The following RPS6KC1 variants were observed in gnomAD, a reference collection of about 807,000 sequenced individuals.
RPS6KC1 encodes ribosomal protein S6 kinase C1, also known as inactive ribosomal protein S6 kinase delta-1.
In RPS6KC1, 54 loss-of-function variants were observed where a neutral mutation model predicts 103.8. The ratio of observed to expected loss-of-function variants is 0.52; its 90% confidence interval spans 0.42 to 0.65. The LOEUF (loss-of-function observed/expected upper bound fraction) is 0.65. Ranked by LOEUF, RPS6KC1 falls within the 30% of genes least tolerant of loss-of-function variation. The pLI, the probability that RPS6KC1 is intolerant of heterozygous loss-of-function variation, is 0.00. For synonymous variants in RPS6KC1, 439 were observed against 438.7 expected, an observed-to-expected ratio of 1.00 and a Z score of -0.01; for missense variants, 1,151 against 1,253.8, an observed-to-expected ratio of 0.92 and a Z score of 1.24.
chr1:213,278,758 G>C (rs1351111326), downstream of RPS6KC1, among the ~76,000 whole-genome samples: 1 of 152,190 alleles, frequency 6.6e-6, no homozygotes, highest in South Asian at 2.1e-4. Flanking sequence ...GCAGAATGTG[G>C]CAAGTGTTAT....
At chr1:213,514,452 T>A in the RPS6KC1 span, among the ~76,000 whole-genome samples, 11 of 146,094 alleles carry the variant, frequency 7.5e-5, no homozygotes, top group African/African-American at 2.8e-4. Flanking sequence ...CATTGTTGAA[T>A]TCCCACCTAT....
the RPS6KC1 span, among the ~76,000 whole-genome samples, chr1:213,448,225 C>CAA: frequency 3.3e-4 from 25 of 75,808 alleles, no homozygotes; most frequent in Non-Finnish European, 4.2e-4. Context: ...GTGAGACTGT[C>CAA]AAAAAAAAAA....
chr1:213,739,389 G>A, the RPS6KC1 span, among the ~76,000 whole-genome samples: 4 of 152,092 alleles, frequency 2.6e-5, no homozygotes, highest in Non-Finnish European at 5.9e-5. Flanking sequence ...TTAAGTTTTG[G>A]GAGAGTCAAA....
At chr1:213,802,703 T>A in the RPS6KC1 span, among the ~76,000 whole-genome samples, 1 of 152,246 alleles carries the variant, frequency 6.6e-6, no homozygotes, top group Admixed American at 6.5e-5. Flanking sequence ...CTAAGGACAT[T>A]TCTTTATTAT....
chr1:213,250,203 G>A (rs181742247), intron 12 of RPS6KC1, among the ~76,000 whole-genome samples: 1 of 152,206 alleles, frequency 6.6e-6, no homozygotes, highest in Admixed American at 6.5e-5. Flanking sequence ...TTAGGGTGGA[G>A]CAGCACCACA....
intron 8 of RPS6KC1, among the ~76,000 whole-genome samples, chr1:213,210,099 A>G (rs2093463589): frequency 6.6e-6 from 1 of 152,064 alleles, no homozygotes; most frequent in Non-Finnish European, 1.5e-5. Context: ...TGTGACCTGT[A>G]TGTTGTACCA....
chr1:213,566,805 T>A, the RPS6KC1 span, among the ~76,000 whole-genome samples: 1 of 152,126 alleles, frequency 6.6e-6, no homozygotes, highest in South Asian at 2.1e-4. Flanking sequence ...TTGTATTGTC[T>A]TTTTGATTCT....
At chr1:213,069,770 C>T (rs1232053984) in intron 1 of RPS6KC1, among the ~76,000 whole-genome samples, 2 of 152,080 alleles carry the variant, frequency 1.3e-5, no homozygotes, top group Non-Finnish European at 2.9e-5. Context: ...CCTGATTTAT[C>T]TTTTTGTTTA....
At chr1:213,122,082 C>T (rs143187554) in intron 5 of RPS6KC1, among the ~76,000 whole-genome samples, 1 of 151,978 alleles carries the variant, frequency 6.6e-6, no homozygotes, top group Non-Finnish European at 1.5e-5. Context: ...GTCTTTGTAA[C>T]GGATCCCTTA....
intron 1 of RPS6KC1, among the ~76,000 whole-genome samples, chr1:213,061,546 A>C (rs149352176): frequency 1.3e-5 from 2 of 149,814 alleles, no homozygotes; most frequent in Non-Finnish European, 3.0e-5. Context: ...ACAATTGCCT[A>C]TGTGAGCTGG....
intron 7 of RPS6KC1, among the ~76,000 whole-genome samples, chr1:213,174,542 C>T (rs778543473): frequency 2.0e-4 from 31 of 151,718 alleles, no homozygotes; most frequent in Non-Finnish European, 4.1e-4. Context: ...TGGTGGTAGG[C>T]GCCTATAATC....
At chr1:213,362,134 C>G in the RPS6KC1 span, among the ~76,000 whole-genome samples, 10 of 152,144 alleles carry the variant, frequency 6.6e-5, no homozygotes, top group Non-Finnish European at 1.0e-4. Flanking sequence ...TCAAGGGGAG[C>G]TATTTGTACC....
At chr1:213,654,802 T>G in the RPS6KC1 span, among the ~76,000 whole-genome samples, 1 of 152,208 alleles carries the variant, frequency 6.6e-6, no homozygotes, top group Non-Finnish European at 1.5e-5. Context: ...AGCCTATAAG[T>G]TTCCAAACAT....
the RPS6KC1 span, among the ~76,000 whole-genome samples, chr1:213,513,886 A>G: frequency 2.0e-3 from 311 of 152,348 alleles, 2 homozygotes; most frequent in African/African-American, 7.3e-3. Context: ...AGCCATGAAT[A>G]GAATAGATTC....
chr1:213,078,412 AT>A (rs933207799), intron 3 of RPS6KC1, among the ~76,000 whole-genome samples: 1 of 151,920 alleles, frequency 6.6e-6, no homozygotes, highest in South Asian at 2.1e-4. Context: ...TATGGACAGA[AT>A]TTTTTTGAAA....
the RPS6KC1 span, among the ~76,000 whole-genome samples, chr1:213,365,167 C>T: frequency 6.6e-6 from 1 of 152,202 alleles, no homozygotes; most frequent in Non-Finnish European, 1.5e-5. Flanking sequence ...AAATGCAGAA[C>T]CAGTATTAAG....
the RPS6KC1 span, among the ~76,000 whole-genome samples, chr1:213,792,628 A>G: frequency 6.6e-6 from 1 of 152,192 alleles, no homozygotes; most frequent in Non-Finnish European, 1.5e-5. Flanking sequence ...TTTCTCTCCC[A>G]CAATTACATG....
chr1:213,365,721 G>A, the RPS6KC1 span, among the ~76,000 whole-genome samples: 653 of 152,268 alleles, frequency 4.3e-3, 6 homozygotes, highest in Non-Finnish European at 5.6e-3. Flanking sequence ...TAGAGAACAT[G>A]AGCTAATACC....
chr1:213,860,364 T>C, the RPS6KC1 span, among the ~76,000 whole-genome samples: 1 of 151,792 alleles, frequency 6.6e-6, no homozygotes, highest in Non-Finnish European at 1.5e-5. Flanking sequence ...ATTTCGGATC[T>C]ACTCTTTCAA....
Sources: gnomAD v4.1 joint callset for allele counts (sites outside exome capture counted in the v4.1 genomes callset) on GRCh38, gnomAD v4.1.1 for gene constraint, MANE v1.5 for transcripts, NCBI Gene and HGNC (gene_info 2026-07-23, HGNC 2026-07-21) for gene names.